AFP: variants seen among roughly 807,000 people sequenced by gnomAD.
The protein encoded by AFP is alpha-fetoprotein.
In AFP, 64 loss-of-function variants were observed where a neutral mutation model predicts 78.9. The observed-to-expected ratio is 0.81, with a 90% CI of 0.66 to 1.00. The LOEUF is 1.00. Among genes scored for constraint, AFP ranks in the 50% least tolerant of loss-of-function variants. The probability of loss-of-function intolerance (pLI) is 0.00; values close to 1 mark genes in which losing one functional copy is unlikely to be tolerated. For synonymous variants in AFP, 254 were observed against 243.8 expected, an observed-to-expected ratio of 1.04 and a Z score of -0.39; for missense variants, 689 against 703.8, an observed-to-expected ratio of 0.98 and a Z score of 0.24.
intron 8 of AFP, among the ~76,000 whole-genome samples, chr4:73,448,138 G>A (rs1326381605): frequency 1.3e-5 from 2 of 152,034 alleles, no homozygotes; most frequent in East Asian, 3.8e-4. Context: ...AACTTTTATA[G>A]GAACAGCTTA....
chr4:73,455,738 G>C lies in AFP; in HGVS notation c.*118G>C. 1 of 658,180 alleles carries C rather than the reference G, an allele frequency of 1.5e-6. No homozygotes were observed. Among genetic ancestry groups the C allele is most frequent in the South Asian group, 1.7e-5 (1 of 59,150 alleles). The allele number at this position is 658,180 out of a possible 1,614,324, so 40.8% of individuals were successfully genotyped here. On this transcript the variant is annotated 3_prime_UTR_variant, in exon 15 of 15. Transcript: ENST00000395792. The stretch of plus-strand genomic sequence containing the variant: ...AATGAAATGATAAAGACTTTTATGT[G>C]AGATTTCCTTATCACAGAAATAAAA...
At chr4:73,438,143 C>A (rs376652546) in intron 2 of AFP, 31 bp from the exon 3 acceptor site, 17 of 1,612,302 alleles carry the variant, frequency 1.1e-5, no homozygotes, top group Non-Finnish European at 1.4e-5. Context: ...CAGGTCTGTT[C>A]CTTAAGGATT....
intron 1 of AFP, 96 bp downstream of exon 1, chr4:73,436,443 T>C: frequency 1.4e-6 from 1 of 705,646 alleles, no homozygotes. Flanking sequence ...TATTCATATT[T>C]ATTATTCCAC....
intron 7 of AFP, 99 bp from the exon 8 acceptor site, chr4:73,447,363 C>A: frequency 1.3e-6 from 1 of 759,340 alleles, no homozygotes; most frequent in South Asian, 2.5e-5. Context: ...TTGTTCCCTT[C>A]TCCCTCCCTC....
In AFP at chr4:73,449,346, A is replaced by G; in HGVS notation, c.1070A>G (p.Glu357Gly). Residue 357 changes from glutamate to glycine, a missense_variant, in exon 9 of 15, where the codon GAA (glutamate) becomes GGA (glycine). By Grantham distance (98) the Glu-to-Gly change is moderately conservative. Transcript: ENST00000395792. ...KNIFLASFVH[E>G]YSRRHPQLAV... ...TCCACATATTTCAGTTTTGTTCATG[A>G]ATATTCAAGAAGACATCCTCAGCTT... The G allele has an allele frequency of 1.2e-6, 2 of 1,613,122 alleles. No homozygotes were observed. The highest frequency in any genetic ancestry group is 1.7e-6 in the Non-Finnish European group (2 of 1,179,416).
chr4:73,453,677 G>A (rs922041680), intron 12 of AFP, 88 bp from the exon 13 acceptor site: 2 of 1,487,870 alleles, frequency 1.3e-6, no homozygotes, highest in African/African-American at 1.4e-5. Context: ...AAGGGTTTAG[G>A]CTCTGAAAAT....
At chr4:73,447,370 C>G in intron 7 of AFP, 92 bp from the exon 8 acceptor site, 1 of 897,356 alleles carries the variant, frequency 1.1e-6, no homozygotes. Flanking sequence ...CTTCTCCCTC[C>G]CTCCCCTTTC....
rs1435143498 is a variant in AFP at position 73,450,595 on chromosome 4, T to C, written c.1290-20T>C. The stretch of plus-strand genomic sequence containing the variant: ...TCATGAATGACTCAGCAGGACTTAG[T>C]TAAAAAATGCTTCTTTCAGGTTTCT... On this transcript the variant is annotated intron_variant, in intron 10 of 14. Transcript: ENST00000395792. 4.3e-6 allele frequency: 7 copies of C among 1,614,034 alleles called. No homozygotes were observed. The highest frequency in any genetic ancestry group is 3.3e-5 in the Admixed American group (2 of 60,010).
intron 4 of AFP, among the ~76,000 whole-genome samples, chr4:73,441,386 G>A (rs1719658642): frequency 6.6e-6 from 1 of 151,600 alleles, no homozygotes; most frequent in South Asian, 2.1e-4. Context: ...CTAACATGGT[G>A]AAACCCCGTC....
At chr4:73,440,926 T>C in intron 4 of AFP, 113 bp downstream of exon 4, 2 of 1,047,168 alleles carry the variant, frequency 1.9e-6, no homozygotes, top group South Asian at 3.3e-5. Flanking sequence ...ATAATGTTTC[T>C]TTGGTGTTGT....
intron 13 of AFP, among the ~76,000 whole-genome samples, 174 bp from the exon 14 acceptor site, chr4:73,455,062 G>C (rs897831947): frequency 6.6e-6 from 1 of 152,100 alleles, no homozygotes; most frequent in Non-Finnish European, 1.5e-5. Flanking sequence ...AAAGAATATT[G>C]TTTTCTCCCT....
At position 73,443,395 on chromosome 4, in the gene AFP, C is replaced by A. The variant is rs200092580; in HGVS notation, c.664C>A (p.His222Asn). 1 of 1,613,758 alleles carries A rather than the reference C, an allele frequency of 6.2e-7. No individual in the cohort carries two copies. The highest frequency in any genetic ancestry group is 2.2e-5 in the East Asian group (1 of 44,844). The change falls in exon 6 of 15, where the codon CAT (histidine) becomes AAT (asparagine). Residue 222 changes from histidine to asparagine, a missense_variant. Coordinates refer to ENST00000395792, the MANE Select transcript of AFP (RefSeq NM_001134.3). ...ELRESSLLNQ[H>N]ACAVMKNFGT... ...AAGAGAAAGCAGCTTGTTAAATCAA[C>A]ATGCATGTGCAGTAATGAAAAATTT... is the stretch of plus-strand genomic sequence containing the variant.
chr4:73,454,194 T>C (rs1045109645), intron 13 of AFP, among the ~76,000 whole-genome samples: 2 of 152,072 alleles, frequency 1.3e-5, no homozygotes, highest in Non-Finnish European at 2.9e-5. Flanking sequence ...TTAGATAGTT[T>C]CTGGCCTAAA....
At chr4:73,449,565 T>G in intron 9 of AFP, 98 bp downstream of exon 9, 1 of 1,373,686 alleles carries the variant, frequency 7.3e-7, no homozygotes, top group South Asian at 1.2e-5. Context: ...TTCAACTAGT[T>G]GTTAGCCAGT....
intron 8 of AFP, among the ~76,000 whole-genome samples, 194 bp downstream of exon 8, chr4:73,447,870 G>A (rs967747034): frequency 6.6e-6 from 1 of 152,028 alleles, no homozygotes; most frequent in Non-Finnish European, 1.5e-5. Context: ...GGTGTTTAAC[G>A]GTGAAGCGTT....
chr4:73,437,111 C>T, intron 1 of AFP, 49 bp from the exon 2 acceptor site: 1 of 1,363,052 alleles, frequency 7.3e-7, no homozygotes, highest in Non-Finnish European at 1.0e-6. Flanking sequence ...TGATTACTTT[C>T]TTGGTTGCAG....
At chr4:73,438,044 T>G in intron 2 of AFP, 130 bp from the exon 3 acceptor site, 2 of 1,325,838 alleles carry the variant, frequency 1.5e-6, no homozygotes, top group African/African-American at 1.5e-5. Flanking sequence ...TACATAATTT[T>G]ACAAATCAAA....
intron 14 of AFP, 63 bp from the exon 15 acceptor site, chr4:73,455,568 A>G: frequency 1.5e-6 from 1 of 665,550 alleles, no homozygotes; most frequent in Admixed American, 2.7e-5. Context: ...AAATAATAGA[A>G]CCAGTTACTT....
At chr4:73,444,833 C>T (rs1462463204) in intron 6 of AFP, among the ~76,000 whole-genome samples, 160 bp from the exon 7 acceptor site, 1 of 152,168 alleles carries the variant, frequency 6.6e-6, no homozygotes, top group Non-Finnish European at 1.5e-5. Context: ...AAAGATATGG[C>T]TGGAATCAAG....
Sources: gnomAD v4.1 joint callset for allele counts (sites outside exome capture counted in the v4.1 genomes callset) on GRCh38, gnomAD v4.1.1 for gene constraint, MANE v1.5 for transcripts, NCBI Gene and HGNC (gene_info 2026-07-23, HGNC 2026-07-21) for gene names.